DESI2: variants seen among roughly 807,000 people sequenced by gnomAD.
DESI2 encodes desumoylating isopeptidase 2, also known as deubiquitinase DESI2.
DESI2 carries 10 observed loss-of-function variants against 24.1 expected under a neutral mutation model. That is an observed-to-expected ratio of 0.41 (90% CI 0.26 to 0.70). DESI2 has a LOEUF of 0.70. DESI2 is among the 30% of genes least tolerant of loss of function. DESI2 has a pLI of 0.29. For synonymous variants in DESI2, 71 were observed against 87.7 expected (o/e 0.81, Z 1.06); for missense variants, 122 against 234.9 (o/e 0.52, Z 3.14).
chr1:244,685,036 C>A (rs1255871594), intron 1 of DESI2, among the ~76,000 whole-genome samples: 1 of 152,122 alleles, frequency 6.6e-6, no homozygotes, highest in African/African-American at 2.4e-5. Flanking sequence ...CAAAAAATTC[C>A]GATCAAGAGG....
At chr1:244,691,841 T>C in intron 3 of DESI2, 38 bp from the exon 4 acceptor site, 1 of 1,498,086 alleles carries the variant, frequency 6.7e-7, no homozygotes, top group South Asian at 1.3e-5. Flanking sequence ...ACTATGTCCT[T>C]ATTTTTCTTT....
In DESI2 at chr1:244,706,607, A is replaced by G. The variant is rs1036858201; in HGVS notation, c.*818A>G. The G allele has an allele frequency of 6.6e-6, 1 of 152,566 alleles. No homozygotes were observed. The highest frequency in any genetic ancestry group is 2.4e-5 in the African/African-American group (1 of 41,424). 9.5% of individuals were successfully genotyped at this position (152,566 alleles called of 1,614,324 possible). ...GCGCTTCATTTTTATTTTAATACAC[A>G]TGTATTTCCTCCTTGCACAGGATTT... is the stretch of plus-strand genomic sequence containing the variant. On this transcript the variant is annotated 3_prime_UTR_variant, in exon 5 of 5. Transcript: ENST00000302550.
intron 4 of DESI2, among the ~76,000 whole-genome samples, chr1:244,694,035 A>G (rs1213653647): frequency 6.6e-6 from 1 of 152,240 alleles, no homozygotes; most frequent in Non-Finnish European, 1.5e-5. Flanking sequence ...CTTTGACAAC[A>G]TAGTGTGGGG....
chr1:244,700,784 G>C (rs1359326561), intron 4 of DESI2, among the ~76,000 whole-genome samples: 1 of 152,062 alleles, frequency 6.6e-6, no homozygotes, highest in African/African-American at 2.4e-5. Context: ...AAACATAATT[G>C]CTCATTTGTT....
At chr1:244,653,850 C>T in intron 1 of DESI2, 1 of 443,782 alleles carries the variant, frequency 2.3e-6, no homozygotes, top group Non-Finnish European at 4.7e-6. Context: ...CTTTCGGGTG[C>T]CTGTGCTAGA....
At chr1:244,698,888 A>G (rs1677323818) in intron 4 of DESI2, among the ~76,000 whole-genome samples, 1 of 152,214 alleles carries the variant, frequency 6.6e-6, no homozygotes, top group Non-Finnish European at 1.5e-5. Context: ...GGGACTGATT[A>G]CATTCCTAAC....
At chr1:244,671,486 A>G (rs1191666992) in intron 1 of DESI2, among the ~76,000 whole-genome samples, 1 of 152,178 alleles carries the variant, frequency 6.6e-6, no homozygotes, top group Non-Finnish European at 1.5e-5. Flanking sequence ...TGTTAATACT[A>G]ACTGTACTCT....
intron 1 of DESI2, 149 bp downstream of exon 1, chr1:244,653,504 A>G (rs1206573396): frequency 2.7e-6 from 2 of 742,418 alleles, no homozygotes; most frequent in Non-Finnish European, 4.1e-6. Context: ...AGGAGGGAGT[A>G]TTGTTATTTT....
chr1:244,653,585 G>C (rs1001170199), intron 1 of DESI2: 17 of 532,246 alleles, frequency 3.2e-5, no homozygotes, highest in Non-Finnish European at 4.9e-5. Flanking sequence ...GCTCGGGTGG[G>C]CTTGAACCTC....
At chr1:244,658,474 A>G (rs886121443) in intron 1 of DESI2, among the ~76,000 whole-genome samples, 3 of 152,110 alleles carry the variant, frequency 2.0e-5, no homozygotes, top group African/African-American at 7.2e-5. Context: ...GTGAACTCCT[A>G]TGCCCTAGTT....
chr1:244,694,444 A>C (rs1677138316), intron 4 of DESI2: 1 of 764,098 alleles, frequency 1.3e-6, no homozygotes, highest in African/African-American at 1.7e-5. Flanking sequence ...GATGAACTGG[A>C]TGCTGCAGCA....
At chr1:244,655,639 A>T (rs990583055) in intron 1 of DESI2, among the ~76,000 whole-genome samples, 17 of 152,238 alleles carry the variant, frequency 1.1e-4, no homozygotes, top group Admixed American at 3.3e-4. Flanking sequence ...GCAGACAAGG[A>T]TGCAAAGGAG....
chr1:244,705,959 G>C lies in DESI2; in HGVS notation c.*170G>C. The C allele has an allele frequency of 1.7e-6, 1 of 596,140 alleles. No individual in the cohort carries two copies. Among genetic ancestry groups the C allele is most frequent in the South Asian group, 2.1e-5 (1 of 47,886 alleles). The allele number at this position is 596,140 out of a possible 1,614,324, so 36.9% of individuals were successfully genotyped here. On this transcript the variant is annotated 3_prime_UTR_variant, in exon 5 of 5. Transcript: ENST00000302550. ...GTAATCAAAAAAAAAAAATCACTTG[G>C]CGCAGGAGGGAGAACTTTGTAAGAA...
chr1:244,666,081 G>A (rs947069287), intron 1 of DESI2, among the ~76,000 whole-genome samples: 1 of 151,962 alleles, frequency 6.6e-6, no homozygotes, highest in Non-Finnish European at 1.5e-5. Flanking sequence ...TTATTTCTCT[G>A]GTCAGTTGAC....
intron 1 of DESI2, among the ~76,000 whole-genome samples, chr1:244,674,721 G>A (rs1421144416): frequency 1.3e-5 from 2 of 152,088 alleles, no homozygotes; most frequent in East Asian, 1.9e-4. Context: ...ATCATATTGC[G>A]TTTCATGGAT....
At chr1:244,659,280 A>T (rs1410735949) in intron 1 of DESI2, among the ~76,000 whole-genome samples, 1 of 152,168 alleles carries the variant, frequency 6.6e-6, no homozygotes, top group Non-Finnish European at 1.5e-5. Flanking sequence ...CAGCAATAAC[A>T]AGTTGCCAAA....
At chr1:244,666,576 A>C (rs759353178) in intron 1 of DESI2, among the ~76,000 whole-genome samples, 10 of 152,238 alleles carry the variant, frequency 6.6e-5, no homozygotes, top group Non-Finnish European at 1.5e-4. Flanking sequence ...GAACTTCTTT[A>C]GAAATATATT....
chr1:244,672,512 T>G (rs978088406), intron 1 of DESI2, among the ~76,000 whole-genome samples: 1 of 152,286 alleles, frequency 6.6e-6, no homozygotes, highest in African/African-American at 2.4e-5. Flanking sequence ...GGTATTACTT[T>G]ATAGCAACAC....
At chr1:244,669,208 G>T (rs2148790135) in intron 1 of DESI2, among the ~76,000 whole-genome samples, 1 of 152,028 alleles carries the variant, frequency 6.6e-6, no homozygotes, top group South Asian at 2.1e-4. Flanking sequence ...TGTGGCCCAG[G>T]CTGGTCTTGA....
Sources: gnomAD v4.1 joint callset for allele counts (sites outside exome capture counted in the v4.1 genomes callset) on GRCh38, gnomAD v4.1.1 for gene constraint, MANE v1.5 for transcripts, NCBI Gene and HGNC (gene_info 2026-07-23, HGNC 2026-07-21) for gene names.